Variants in SLC12A8 observed in about 807,000 individuals in gnomAD.
SLC12A8 encodes cation-chloride cotransporter 9.
A neutral mutation model predicts 75.6 loss-of-function variants in SLC12A8; 69 were observed. The ratio of observed to expected loss-of-function variants is 0.91; its 90% confidence interval spans 0.75 to 1.11. SLC12A8 has a LOEUF of 1.11. Ranked by LOEUF, SLC12A8 falls within the 50% of genes most tolerant of loss-of-function variation. The probability of loss-of-function intolerance (pLI) is 0.00; values close to 1 mark genes in which losing one functional copy is unlikely to be tolerated. For missense variants in SLC12A8, 877 were observed against 896.7 expected, an observed-to-expected ratio of 0.98 and a Z score of 0.28; for synonymous variants, 365 against 372.8, an observed-to-expected ratio of 0.98 and a Z score of 0.24.
intron 7 of SLC12A8, among the ~76,000 whole-genome samples, chr3:125,120,386 G>A (rs1933024977): frequency 6.6e-6 from 1 of 152,044 alleles, no homozygotes; most frequent in South Asian, 2.1e-4. Context: ...ACTCCTCCTC[G>A]GCAGCATTCC....
intron 5 of SLC12A8, among the ~76,000 whole-genome samples, chr3:125,148,424 T>C (rs1264036741): frequency 2.6e-5 from 4 of 152,112 alleles, no homozygotes; most frequent in Non-Finnish European, 2.9e-5. Context: ...AAGAGGGACA[T>C]GTAAGTTGGA....
At chr3:125,108,769 T>C (rs527944179) in intron 9 of SLC12A8, among the ~76,000 whole-genome samples, 2 of 152,256 alleles carry the variant, frequency 1.3e-5, no homozygotes, top group African/African-American at 4.8e-5. Context: ...GCATAGAAAA[T>C]CAAAGAAATG....
At chr3:125,151,669 A>C (rs774460399) in intron 5 of SLC12A8, 2 of 152,280 alleles carry the variant, frequency 1.3e-5, no homozygotes, top group Non-Finnish European at 2.9e-5. Context: ...TCCTCCGCCC[A>C]GGGAGGATGA....
Position 125,110,172 on chromosome 3 carries a change from A to G in SLC12A8, c.1059+17T>C, listed in dbSNP as rs1184377075. ...AACATGTTTCAAAAAACAAACCAAAAAAAGAGGATTACTCACCCCTTGTCC... is the reference window on the plus strand; with the variant it reads ...AACATGTTTCAAAAAACAAACCAAAGAAAGAGGATTACTCACCCCTTGTCC... On this transcript the variant is annotated intron_variant, in intron 9 of 13. Transcript: ENST00000469902. 1.2e-6 allele frequency: 2 copies of G among 1,600,960 alleles called. No homozygotes were observed. The highest frequency in any genetic ancestry group is 2.2e-5 in the East Asian group (1 of 44,540).
intron 10 of SLC12A8, among the ~76,000 whole-genome samples, chr3:125,099,361 T>C (rs772080623): frequency 2.0e-4 from 31 of 151,766 alleles, no homozygotes; most frequent in Non-Finnish European, 4.4e-4. Context: ...GAATAAAGAG[T>C]TGCTACAATA....
At chr3:125,176,874 G>A (rs1289913302) in intron 5 of SLC12A8, among the ~76,000 whole-genome samples, 10 of 150,994 alleles carry the variant, frequency 6.6e-5, no homozygotes, top group Non-Finnish European at 1.3e-4. Flanking sequence ...TACACTGTTG[G>A]TGGGACTGTA....
chr3:125,145,655 C>T lies in SLC12A8; in HGVS notation c.623-9873G>A, dbSNP rs751403396. ...GCCTGAAATGGCAGATAATACCAAA[C>T]CCTATATATACTATGTTTTTTCCTA... On this transcript the variant is annotated intron_variant, in intron 5 of 13. Coordinates refer to ENST00000469902, the MANE Select transcript of SLC12A8 (RefSeq NM_024628.6). 4.0e-4 allele frequency among the ~76,000 whole-genome samples: 58 copies of T among 145,064 alleles called. 1 individual carries two copies. The Middle Eastern group carries it at 0.014, about 36-fold the overall frequency.
intron 4 of SLC12A8, among the ~76,000 whole-genome samples, chr3:125,184,054 C>A (rs1465986656): frequency 1.3e-5 from 2 of 152,040 alleles, no homozygotes; most frequent in Non-Finnish European, 1.5e-5. Flanking sequence ...CTAACTGCAA[C>A]CTCTGCCTCC....
At position 125,083,665 on chromosome 3, in the gene SLC12A8, T is replaced by G. The variant is rs1431558395; in HGVS notation, c.*225A>C. On this transcript the variant is annotated 3_prime_UTR_variant, in exon 14 of 14. Coordinates refer to ENST00000469902, the MANE Select transcript of SLC12A8 (RefSeq NM_024628.6). ...TGAACTCGGGAAGCAGAGGTTGCAG[T>G]GAGCCAAGATTGTGCCACTGGACTC... 9.2e-6 allele frequency: 4 copies of G among 436,266 alleles called. No homozygotes were observed. The highest frequency in any genetic ancestry group is 1.6e-5 in the Non-Finnish European group (4 of 244,308). The allele number at this position is 436,266 out of a possible 1,614,324, so 27.0% of individuals were successfully genotyped here. A position where few individuals can be genotyped will look rare whatever the true frequency, so the allele number is the denominator to read the frequency against.
At chr3:125,084,656 G>C (rs866508773) in intron 13 of SLC12A8, among the ~76,000 whole-genome samples, 2 of 152,296 alleles carry the variant, frequency 1.3e-5, no homozygotes, top group South Asian at 4.1e-4. Context: ...AAAATGTTAG[G>C]GATGCATAGG....
intron 10 of SLC12A8, among the ~76,000 whole-genome samples, chr3:125,100,485 G>A (rs1032294579): frequency 5.9e-5 from 9 of 151,484 alleles, no homozygotes; most frequent in Admixed American, 1.3e-4. Context: ...TCGACTCACC[G>A]CAACCTCCAC....
intron 5 of SLC12A8, among the ~76,000 whole-genome samples, chr3:125,155,683 G>A (rs375774520): frequency 4.1e-5 from 6 of 145,440 alleles, no homozygotes; most frequent in Non-Finnish European, 7.5e-5. Context: ...CCTGGGAGGC[G>A]GAGCTTGCAG....
chr3:125,098,364 A>AT (rs1408717610), intron 10 of SLC12A8, among the ~76,000 whole-genome samples: 1 of 152,126 alleles, frequency 6.6e-6, no homozygotes, highest in Non-Finnish European at 1.5e-5. Flanking sequence ...TCTTGTACAC[A>AT]TTTTTTGGTT....
At position 125,208,785 on chromosome 3, in the gene SLC12A8, CACACACAGAGAG is replaced by C. The variant is rs1255837678; in HGVS notation, c.51+2502_51+2513del. Among the ~76,000 whole-genome samples, 81 of 98,578 alleles carry C rather than the reference CACACACAGAGAG, an allele frequency of 8.2e-4. 1 individual carries two copies. The East Asian group carries it at 0.018, about 21-fold the overall frequency. The allele number at this position is 98,578 out of a possible 152,430, so 64.7% of individuals were successfully genotyped here. On this transcript the variant is annotated intron_variant, in intron 2 of 13. Coordinates refer to ENST00000469902, the MANE Select transcript of SLC12A8 (RefSeq NM_024628.6). ...ACACACACACACACACACACACACA[CACACACAGAGAG>C]AGAGAGAGAGAGAGAGAGAGAGAGA... is the stretch of plus-strand genomic sequence containing the variant.
chr3:125,087,209 C>T (rs909390713), intron 13 of SLC12A8, among the ~76,000 whole-genome samples: 25 of 151,846 alleles, frequency 1.6e-4, no homozygotes, highest in African/African-American at 5.8e-4. Flanking sequence ...ATTCTCCTGC[C>T]TCAGCCTCCC....
intron 5 of SLC12A8, among the ~76,000 whole-genome samples, chr3:125,167,670 A>G (rs993774099): frequency 6.6e-6 from 1 of 152,228 alleles, no homozygotes; most frequent in Non-Finnish European, 1.5e-5. Flanking sequence ...ATGGCTCAAG[A>G]CCACACAGGG....
rs546111143 is a variant in SLC12A8 at position 125,110,349 on chromosome 3, G to A, written c.913-14C>T. On this transcript the variant is annotated splice_polypyrimidine_tract_variant and intron_variant, in intron 8 of 13. Transcript: ENST00000469902. The stretch of plus-strand genomic sequence containing the variant: ...CATGAGGGATACCTGTGTGAGAAGC[G>A]GTTTCATTCGCCAGTGCCAGAACCT... The A allele has an allele frequency of 2.4e-5, 38 of 1,607,308 alleles. 1 individual carries two copies. Among genetic ancestry groups the A allele is most frequent in the South Asian group, 5.5e-5 (5 of 90,702 alleles).
intron 10 of SLC12A8, among the ~76,000 whole-genome samples, chr3:125,098,498 C>G (rs1427612706): frequency 6.6e-6 from 1 of 151,280 alleles, no homozygotes; most frequent in Non-Finnish European, 1.5e-5. Context: ...TCTCCACAAA[C>G]AATGAACCAG....
At chr3:125,177,649 T>G in intron 5 of SLC12A8, 94 bp downstream of exon 5, 3 of 826,996 alleles carry the variant, frequency 3.6e-6, no homozygotes, top group Non-Finnish European at 5.6e-6. Flanking sequence ...CCTATGGGGG[T>G]TAGGGGGAGA....
Sources: allele counts gnomAD v4.1 joint callset (sites outside exome capture counted in the v4.1 genomes callset), GRCh38; gene constraint gnomAD v4.1.1; transcripts MANE v1.5; gene names NCBI Gene and HGNC (gene_info 2026-07-23, HGNC 2026-07-21).